Variants in DACH2 observed in about 807,000 individuals in gnomAD.
DACH2 encodes dachshund homolog 2.
A neutral mutation model predicts 35.8 loss-of-function variants in DACH2; 17 were observed. The ratio of observed to expected loss-of-function variants is 0.48; its 90% CI spans 0.33 to 0.71. The LOEUF is 0.71. DACH2 is among the 30% of genes least tolerant of loss of function. The probability of loss-of-function intolerance (pLI) is 0.02; values close to 1 mark genes in which losing one functional copy is unlikely to be tolerated. For missense variants in DACH2, 469 were observed against 472.7 expected, an observed-to-expected ratio of 0.99 and a Z score of 0.07; for synonymous variants, 195 against 177.3, an observed-to-expected ratio of 1.10 and a Z score of -0.79.
Position 86,272,081 on chromosome X carries a change from G to A in DACH2, c.489-104743G>A, listed in dbSNP as rs181733376. Among the ~76,000 whole-genome samples the A allele has an allele frequency of 5.8e-4, 65 of 111,258 alleles. No individual in the cohort carries two copies. In the East Asian group the frequency reaches 8.2e-3, roughly 14 times the overall value. ...GCTCTCACTTATGTGAGAACATGTG[G>A]TATTTGACTTTCTGTTTTTGAGTTG... On this transcript the variant is annotated intron_variant, in intron 1 of 11. Transcript: ENST00000373125.
intron 3 of DACH2, among the ~76,000 whole-genome samples, chrX:86,605,643 C>T (rs965857313): frequency 1.8e-5 from 2 of 110,561 alleles, no homozygotes; most frequent in Admixed American, 9.6e-5. Flanking sequence ...TTTTTCAGCC[C>T]TTTTTGCTCT....
chrX:86,183,526 G>A (rs935787747), intron 1 of DACH2, among the ~76,000 whole-genome samples: 2 of 111,728 alleles, frequency 1.8e-5, no homozygotes, highest in African/African-American at 6.5e-5. Context: ...GGATGAAGCT[G>A]ACTTGATTGT....
rs897361039 is a variant in DACH2, at chrX:86,590,253, CA to C, written c.641-60782del. On this transcript the variant is annotated intron_variant, in intron 3 of 11. Transcript: ENST00000373125. ...GGCCATTGCTGAGGCAATTTGAGAA[CA>C]GGAAGCAAAGCAAAAAAGAGTATGT... Among the ~76,000 whole-genome samples the C allele has an allele frequency of 2.1e-4, 23 of 111,963 alleles. 1 individual carries two copies. Among genetic ancestry groups the C allele is most frequent in the Middle Eastern group, 4.7e-3 (1 of 215 alleles).
Position 86,429,932 on chromosome X carries a change from A to G in DACH2, c.527+53070A>G, listed in dbSNP as rs745658592. Reference sequence around the variant, plus strand: ...TTTTAGAATTTTATAGAGATAAATCATACAAAGTGAAATAACTTCTGGAGT... The same window carrying G: ...TTTTAGAATTTTATAGAGATAAATCGTACAAAGTGAAATAACTTCTGGAGT... On this transcript the variant is annotated intron_variant, in intron 2 of 11. Coordinates refer to ENST00000373125, the MANE Select transcript of DACH2 (RefSeq NM_053281.3). Among the ~76,000 whole-genome samples the G allele has an allele frequency of 8.0e-5, 9 of 112,360 alleles. No individual in the cohort carries two copies. The South Asian group carries it at 3.3e-3, about 41-fold the overall frequency.
chrX:86,288,242 A>C, intron 1 of DACH2, among the ~76,000 whole-genome samples: 1 of 106,665 alleles, frequency 9.4e-6, no homozygotes. Flanking sequence ...CAAGAAAAGG[A>C]GTCTTTCCCT....
chrX:86,719,932 C>CTTTTTTTTTT (rs57079697), intron 6 of DACH2, among the ~76,000 whole-genome samples: 1 of 75,589 alleles, frequency 1.3e-5, no homozygotes, highest in African/African-American at 5.0e-5. Context: ...TTTCTTTTTT[C>CTTTTTTTTTT]TTTTTTTTTT....
chrX:86,202,727 CAA>C (rs762607449), intron 1 of DACH2, among the ~76,000 whole-genome samples: 4 of 110,423 alleles, frequency 3.6e-5, no homozygotes, highest in Non-Finnish European at 7.6e-5. Flanking sequence ...CTGTAATGCT[CAA>C]AGAGATTTTG....
At chrX:86,596,794 A>C (rs1299610057) in intron 3 of DACH2, among the ~76,000 whole-genome samples, 3 of 111,109 alleles carry the variant, frequency 2.7e-5, no homozygotes, top group Non-Finnish European at 5.7e-5. Flanking sequence ...AACTATTGCC[A>C]CATCCAAAAT....
chrX:86,261,681 G>A (rs1000333226), intron 1 of DACH2, among the ~76,000 whole-genome samples: 1 of 111,303 alleles, frequency 9.0e-6, no homozygotes, highest in Non-Finnish European at 1.9e-5. Flanking sequence ...TCATTCTGGG[G>A]CCCATACTTG....
intron 1 of DACH2, among the ~76,000 whole-genome samples, chrX:86,366,766 G>A (rs1263088781): frequency 9.1e-6 from 1 of 109,806 alleles, no homozygotes; most frequent in Admixed American, 9.8e-5. Context: ...ATGAGATTTG[G>A]TTGTTGAGAA....
At chrX:86,416,669 G>T (rs1301048415) in intron 2 of DACH2, among the ~76,000 whole-genome samples, 2 of 111,393 alleles carry the variant, frequency 1.8e-5, no homozygotes, top group African/African-American at 6.5e-5. Context: ...TAAGAAGTGT[G>T]GTGCCAGCAT....
At chrX:86,414,804 C>T (rs1174261660) in intron 2 of DACH2, among the ~76,000 whole-genome samples, 3 of 111,351 alleles carry the variant, frequency 2.7e-5, no homozygotes, top group Non-Finnish European at 3.8e-5. Flanking sequence ...TTTAAACTCC[C>T]TCAACTGCAA....
chrX:86,527,933 C>T (rs918210621), intron 3 of DACH2, among the ~76,000 whole-genome samples: 3 of 111,814 alleles, frequency 2.7e-5, no homozygotes, highest in Non-Finnish European at 3.8e-5. Flanking sequence ...TGTCTAGAAG[C>T]GGATTTTTGC....
At chrX:86,654,284 G>T (rs1298781016) in intron 4 of DACH2, among the ~76,000 whole-genome samples, 1 of 106,585 alleles carries the variant, frequency 9.4e-6, no homozygotes, top group East Asian at 3.0e-4. Context: ...AATATAATGT[G>T]ATAGGTAAAT....
At chrX:86,653,508 A>G (rs2040502513) in intron 4 of DACH2, among the ~76,000 whole-genome samples, 2 of 110,246 alleles carry the variant, frequency 1.8e-5, no homozygotes, top group Non-Finnish European at 3.8e-5. Flanking sequence ...CATGTTTGGG[A>G]GTTTCTCCTG....
intron 2 of DACH2, among the ~76,000 whole-genome samples, chrX:86,398,722 A>G (rs944323734): frequency 8.9e-5 from 10 of 111,995 alleles, no homozygotes; most frequent in Non-Finnish European, 1.7e-4. Flanking sequence ...CTTAATCCTG[A>G]GTTCTAGTTT....
At chrX:86,580,752 A>G (rs188288255) in intron 3 of DACH2, among the ~76,000 whole-genome samples, 2 of 112,246 alleles carry the variant, frequency 1.8e-5, no homozygotes, top group Admixed American at 1.9e-4. Flanking sequence ...AAGAGTACAA[A>G]TCTAGCACTC....
intron 7 of DACH2, among the ~76,000 whole-genome samples, chrX:86,791,993 T>G (rs2042191275): frequency 8.9e-6 from 1 of 111,780 alleles, no homozygotes; most frequent in Admixed American, 9.5e-5. Context: ...ATTCTATATG[T>G]GTGGTCAGAA....
At chrX:86,653,958 C>T (rs759853036) in intron 4 of DACH2, among the ~76,000 whole-genome samples, 32 of 109,801 alleles carry the variant, frequency 2.9e-4, no homozygotes, top group African/African-American at 7.9e-4. Flanking sequence ...TGAGCCACTG[C>T]GCCCAGCCAA....
Sources: gnomAD v4.1 joint callset for allele counts (sites outside exome capture counted in the v4.1 genomes callset) on GRCh38, gnomAD v4.1.1 for gene constraint, MANE v1.5 for transcripts, NCBI Gene and HGNC (gene_info 2026-07-23, HGNC 2026-07-21) for gene names.